Variants in USF3 observed in about 807,000 individuals in gnomAD.
USF3 encodes upstream transcription factor family member 3, also known as basic helix-loop-helix domain-containing protein USF3.
A neutral mutation model predicts 157.5 loss-of-function variants in USF3; 29 were observed. The observed-to-expected ratio is 0.18, with a 90% CI of 0.14 to 0.25. USF3 has a LOEUF of 0.25. USF3 is among the 10% of genes least tolerant of loss of function. USF3 has a pLI of 1.00. For synonymous variants in USF3, 893 were observed against 941.4 expected (o/e 0.95, Z 0.94); for missense variants, 2,381 against 2,667.6 (o/e 0.89, Z 2.37).
At chr3:113,682,649 G>A (rs745807355) in intron 1 of USF3, among the ~76,000 whole-genome samples, 12 of 152,024 alleles carry the variant, frequency 7.9e-5, no homozygotes, top group Non-Finnish European at 1.8e-4. Flanking sequence ...CCTCTATTGG[G>A]TGCATATATA....
chr3:113,680,113 TTGGCTTCACAGAA>T (rs1187599607), intron 1 of USF3, among the ~76,000 whole-genome samples: 1 of 143,610 alleles, frequency 7.0e-6, no homozygotes, highest in East Asian at 2.1e-4. Flanking sequence ...CAGGGTAACA[TTGGCTTCACAGAA>T]TGAATTCGAA....
At chr3:113,664,634 G>T (rs1175210131) in intron 5 of USF3, among the ~76,000 whole-genome samples, 2 of 152,134 alleles carry the variant, frequency 1.3e-5, no homozygotes, top group Non-Finnish European at 2.9e-5. Context: ...GGATATAATA[G>T]TAAAACAAAC....
Position 113,657,615 on chromosome 3 carries a change from C to T in USF3, c.4067G>A (p.Ser1356Asn). Residue 1356 changes from serine (S) to asparagine (N), a missense_variant, in exon 7 of 7, where the codon AGT (serine) becomes AAT (asparagine). Transcript: ENST00000316407. Reference sequence around the variant, plus strand: ...TGGAGTTCTGCTCATCAGGGACATACTTTCAAGCCTGAGGGGGGCTGGCTG... The same window carrying T: ...TGGAGTTCTGCTCATCAGGGACATATTTTCAAGCCTGAGGGGGGCTGGCTG... ...HCQPAPLRLE[S>N]MSLMSRTPDT... 1 of 1,614,190 alleles carries T rather than the reference C, an allele frequency of 6.2e-7. No homozygotes were observed. Among genetic ancestry groups the T allele is most frequent in the Non-Finnish European group, 8.5e-7 (1 of 1,180,042 alleles).
rs1045066778 is a variant in USF3 at position 113,648,769 on chromosome 3, GTTT to G, written c.*6172_*6174del. On this transcript the variant is annotated 3_prime_UTR_variant, in exon 7 of 7. Coordinates refer to ENST00000316407, the MANE Select transcript of USF3 (RefSeq NM_001009899.4). The stretch of plus-strand genomic sequence containing the variant: ...TACACTATTGAAAGCACTAAAATTA[GTTT>G]TTTTTGGGTGACTGCCCTACAGTAA... 1 of 152,036 alleles carries G rather than the reference GTTT, an allele frequency of 6.6e-6. No individual in the cohort carries two copies. The highest frequency in any genetic ancestry group is 2.4e-5 in the African/African-American group (1 of 41,260). 9.4% of individuals were successfully genotyped at this position (152,036 alleles called of 1,614,324 possible). A position where few individuals can be genotyped will look rare whatever the true frequency, so the allele number is the denominator to read the frequency against.
At chr3:113,672,169 C>A (rs181195452) in intron 4 of USF3, among the ~76,000 whole-genome samples, 4 of 146,164 alleles carry the variant, frequency 2.7e-5, no homozygotes, top group African/African-American at 1.0e-4. Context: ...TGAGATGGAG[C>A]CTCACTCTGT....
intron 5 of USF3, among the ~76,000 whole-genome samples, chr3:113,668,182 C>T (rs1947599592): frequency 6.6e-6 from 1 of 152,084 alleles, no homozygotes; most frequent in Non-Finnish European, 1.5e-5. Context: ...TCCCTTCCTG[C>T]CCAAACCGCA....
At position 113,655,472 on chromosome 3, in the gene USF3, C is replaced by A. The variant is rs867970188; in HGVS notation, c.6210G>T (p.Glu2070Asp). ...CATTTATTGGTGGATTCATGCCACC[C>A]TCAGGAATAAAAGAAAAACCAAAAT... ...SQNFGFSFIP[E>D]GGMNPPINAN... Residue 2070 changes from glutamate (E) to aspartate (D), a missense_variant, in exon 7 of 7, where the codon GAG (glutamate) becomes GAT (aspartate). Glu to Asp is a conservative substitution (Grantham distance 45). Around this residue, in one of 6 missense-constraint regions of USF3, gnomAD observed 770 missense variants for 824.2 expected, o/e 0.93. Coordinates refer to ENST00000316407, the MANE Select transcript of USF3 (RefSeq NM_001009899.4). The A allele has an allele frequency of 6.2e-7, 1 of 1,613,956 alleles. No homozygotes were observed. Among genetic ancestry groups the A allele is most frequent in the Admixed American group, 1.7e-5 (1 of 60,006 alleles).
In USF3 at chr3:113,659,840, C is replaced by T. The variant is rs374253300; in HGVS notation, c.1842G>A (p.Gly614=). The change falls in exon 7 of 7, where the codon GGG becomes GGA. Residue 614 remains glycine (G), a synonymous_variant. Transcript: ENST00000316407. ...GAACATTTTGCACTGAATTATTAGA[C>T]CCTATTACAGTATTGGCTCCATTGA... ...LPINGANTVI[G]SNNSVQNVPT... The T allele has an allele frequency of 5.5e-5, 88 of 1,614,062 alleles. No homozygotes were observed. In the African/African-American group the frequency reaches 9.9e-4, roughly 18 times the overall value.
Position 113,658,809 on chromosome 3 carries a change from A to G in USF3, c.2873T>C (p.Val958Ala), listed in dbSNP as rs757513666. The G allele has an allele frequency of 2.5e-6, 4 of 1,614,090 alleles. No individual in the cohort carries two copies. The East Asian group carries it at 8.9e-5, about 36-fold the overall frequency. ...PSDPHILVSQ[V>A]PGLSSTTSTT... ...GCTTGTTGTAGATGACAAACCAGGAACCTGAGAAACCAAAATGTGAGGATC... is the reference window on the plus strand; with the variant it reads ...GCTTGTTGTAGATGACAAACCAGGAGCCTGAGAAACCAAAATGTGAGGATC... The change falls in exon 7 of 7, where the codon GTT (valine) becomes GCT (alanine). Residue 958 changes from valine (V) to alanine (A), a missense_variant. Transcript: ENST00000316407.
intron 1 of USF3, among the ~76,000 whole-genome samples, chr3:113,686,551 C>T (rs1206411865): frequency 6.6e-6 from 1 of 152,214 alleles, no homozygotes; most frequent in Non-Finnish European, 1.5e-5. Flanking sequence ...CACCTCCCAA[C>T]ATGCCAGTAT....
At position 113,657,796 on chromosome 3, in the gene USF3, A is replaced by G; in HGVS notation, c.3886T>C (p.Ser1296Pro). 1 of 1,614,098 alleles carries G rather than the reference A, an allele frequency of 6.2e-7. No individual in the cohort carries two copies. The highest frequency in any genetic ancestry group is 8.5e-7 in the Non-Finnish European group (1 of 1,180,030). ...GTCATAGTATTTAGCTGTTCTTGGG[A>G]ATATTCAGTCATCAGAGATGGTCCA... The part of the protein sequence containing the change: ...PPGPSLMTEY[S>P]QEQLNTMTST... The change falls in exon 7 of 7, where the codon TCC becomes CCC. Residue 1296 changes from serine (S) to proline (P), a missense_variant. Physicochemically the swap from Ser to Pro is moderately conservative, Grantham distance 74. This residue lies in a region of USF3 where 1,435 missense variants were observed against 1,550.9 expected (regional missense o/e 0.93). Transcript: ENST00000316407.
chr3:113,692,651 C>T (rs1707709941), intron 1 of USF3, among the ~76,000 whole-genome samples: 1 of 152,114 alleles, frequency 6.6e-6, no homozygotes, highest in Admixed American at 6.6e-5. Flanking sequence ...TTTCTGTATT[C>T]TCTTCAGTAC....
At chr3:113,665,267 A>G (rs1559714185) in intron 5 of USF3, among the ~76,000 whole-genome samples, 1 of 152,192 alleles carries the variant, frequency 6.6e-6, no homozygotes, top group Non-Finnish European at 1.5e-5. Flanking sequence ...GCTACAGTGG[A>G]GTACATGTGG....
chr3:113,678,828 G>A lies in USF3; in HGVS notation c.-134-1431C>T, dbSNP rs148281216. Among the ~76,000 whole-genome samples, 4 of 152,058 alleles carry A rather than the reference G, an allele frequency of 2.6e-5. No individual in the cohort carries two copies. The East Asian group carries it at 7.7e-4, about 29-fold the overall frequency. ...AGTGGTGTGATCACAGCTCACTGCAGCCTCAAACTTCTGGCTCTCAAACTC... is the reference window on the plus strand; with the variant it reads ...AGTGGTGTGATCACAGCTCACTGCAACCTCAAACTTCTGGCTCTCAAACTC... On this transcript the variant is annotated intron_variant, in intron 1 of 6. Coordinates refer to ENST00000316407, the MANE Select transcript of USF3 (RefSeq NM_001009899.4).
intron 1 of USF3, among the ~76,000 whole-genome samples, chr3:113,695,916 C>A (rs1314747415): frequency 6.6e-6 from 1 of 152,206 alleles, no homozygotes; most frequent in African/African-American, 2.4e-5. Flanking sequence ...AAAAAGCAAG[C>A]CACATGAGTC....
Position 113,649,688 on chromosome 3 carries a change from A to G in USF3, c.*5256T>C, listed in dbSNP as rs1259336689. On this transcript the variant is annotated 3_prime_UTR_variant, in exon 7 of 7. Coordinates refer to ENST00000316407, the MANE Select transcript of USF3 (RefSeq NM_001009899.4). ...AGTGATATGTTCCAACAGCTGGTCT[A>G]AAGACCAGAGGCACAGTTTCAGGTA... 3.3e-6 allele frequency: 2 copies of G among 606,054 alleles called. No individual in the cohort carries two copies. The highest frequency in any genetic ancestry group is 2.8e-5 in the East Asian group (1 of 35,824). The allele number at this position is 606,054 out of a possible 1,614,324, so 37.5% of individuals were successfully genotyped here.
Position 113,689,018 on chromosome 3 carries a change from G to C in USF3, c.-135+7352C>G, listed in dbSNP as rs865780770. On this transcript the variant is annotated intron_variant, in intron 1 of 6. Transcript: ENST00000316407. ...TGCACTCAAGCCTGGGCAACAGAGG[G>C]AGACTCCATCTCAAAAAAACAAACA... Among the ~76,000 whole-genome samples the C allele has an allele frequency of 2.8e-5, 4 of 141,420 alleles. No homozygotes were observed. In the East Asian group the frequency reaches 8.5e-4, roughly 30 times the overall value. The allele number at this position is 141,420 out of a possible 152,430, so 92.8% of individuals were successfully genotyped here. A position where few individuals can be genotyped will look rare whatever the true frequency, so the allele number is the denominator to read the frequency against.
At chr3:113,695,674 C>T (rs1707781824) in intron 1 of USF3, among the ~76,000 whole-genome samples, 1 of 152,146 alleles carries the variant, frequency 6.6e-6, no homozygotes, top group Non-Finnish European at 1.5e-5. Flanking sequence ...AGGACCATAT[C>T]CCAATGTAAC....
Position 113,658,081 on chromosome 3 carries a change from A to C in USF3, c.3601T>G (p.Ser1201Ala), listed in dbSNP as rs1317050128. The C allele has an allele frequency of 6.2e-7, 1 of 1,614,180 alleles. No individual in the cohort carries two copies. Among genetic ancestry groups the C allele is most frequent in the Non-Finnish European group, 8.5e-7 (1 of 1,180,014 alleles). Residue 1201 changes from serine (S) to alanine (A), a missense_variant, in exon 7 of 7, where the codon TCA becomes GCA. Physicochemically the swap from Ser to Ala is moderately conservative, Grantham distance 99. Around this residue, in one of 6 missense-constraint regions of USF3, gnomAD observed 1,435 missense variants for 1,550.9 expected, o/e 0.93. Coordinates refer to ENST00000316407, the MANE Select transcript of USF3 (RefSeq NM_001009899.4). ...GGCCTCTCCATAGTTGCTTCAATTG[A>C]ACCCTGAGAATTAAATTCATTTGGT... ...ATPNEFNSQG[S>A]IEATMERPLE...
Sources: gnomAD v4.1 joint callset for allele counts (sites outside exome capture counted in the v4.1 genomes callset) on GRCh38, gnomAD v4.1.1 for gene constraint, gnomAD v4.1.1 regional missense constraint, MANE v1.5 for transcripts, NCBI Gene and HGNC (gene_info 2026-07-23, HGNC 2026-07-21) for gene names.